Variants in PDGFA observed in about 807,000 individuals in gnomAD.
PDGFA encodes the protein platelet-derived growth factor subunit A.
In PDGFA, 9 loss-of-function variants were observed where a neutral mutation model predicts 25.6. That is an observed-to-expected ratio of 0.35 (90% CI 0.21 to 0.61). The LOEUF is 0.61. Ranked by LOEUF, PDGFA falls within the 20% of genes least tolerant of loss-of-function variation. The pLI is 0.75. For missense variants in PDGFA, 242 were observed against 272.8 expected (o/e 0.89, Z 0.79); for synonymous variants, 133 against 111.8 (o/e 1.19, Z -1.20).
chr7:516,689 G>A (rs1380141519), intron 2 of PDGFA, among the ~76,000 whole-genome samples: 7 of 141,208 alleles, frequency 5.0e-5, no homozygotes, highest in African/African-American at 7.6e-5. Context: ...GGGGTCCCCC[G>A]GGGTGAGAGG....
chr7:498,819 A>G (rs1195970427), intron 5 of PDGFA, among the ~76,000 whole-genome samples: 1 of 152,222 alleles, frequency 6.6e-6, no homozygotes, highest in African/African-American at 2.4e-5. Flanking sequence ...ACCAAGCCCC[A>G]TTCTCCCATT....
At chr7:514,903 G>T (rs1783021257) in intron 2 of PDGFA, among the ~76,000 whole-genome samples, 1 of 152,218 alleles carries the variant, frequency 6.6e-6, no homozygotes, top group Admixed American at 6.5e-5. Flanking sequence ...AAACGCTTGG[G>T]CTCCGGGAGG....
chr7:512,396 C>T, exon 3 of PDGFA: 1 of 1,613,782 alleles, frequency 6.2e-7, no homozygotes. Context: ...TTCTCGGGCA[C>T]ATGCTTAGTG....
At position 500,950 on chromosome 7, in the gene PDGFA, C is replaced by G. The variant is rs758615978; in HGVS notation, c.580+166G>C. 6 of 1,594,686 alleles carry G rather than the reference C, an allele frequency of 3.8e-6. No homozygotes were observed. Among genetic ancestry groups the G allele is most frequent in the Non-Finnish European group, 5.1e-6 (6 of 1,177,642 alleles). ...GGACACCTGCAGGTGTGGGATCCGT[C>G]TCCCCCGCAGGCATCTGGCCCGGGA... On this transcript the variant is annotated intron_variant, in intron 5 of 5. Transcript: ENST00000402802. The surrounding 1 kb of genome is among the most constrained non-coding windows in gnomAD (Gnocchi z 5.0).
chr7:517,369 C>CGCGGGGAGGGCGCGG lies in PDGFA; in HGVS notation c.160+24_160+25insCCGCGCCCTCCCCGC. ...GCCGCCCGCCCGCGCCCTCCCCGCG[C>CGCGGGGAGGGCGCGG]GCGGAGGGAAGGGGCGCGATTTACC... On this transcript the variant is annotated intron_variant, in intron 2 of 5. Coordinates refer to ENST00000402802, the Ensembl canonical transcript of PDGFA. This position sits in a 1 kb window ranked among gnomAD's most constrained non-coding sequence, Gnocchi z 7.4. 1 of 1,236,264 alleles carries CGCGGGGAGGGCGCGG rather than the reference C, an allele frequency of 8.1e-7. No homozygotes were observed. Among genetic ancestry groups the CGCGGGGAGGGCGCGG allele is most frequent in the Non-Finnish European group, 1.1e-6 (1 of 939,878 alleles). The allele number at this position is 1,236,264 out of a possible 1,614,324, so 76.6% of individuals were successfully genotyped here. A position where few individuals can be genotyped will look rare whatever the true frequency, so the allele number is the denominator to read the frequency against.
intron 4 of PDGFA, among the ~76,000 whole-genome samples, chr7:506,109 G>A (rs1782553454): frequency 6.6e-6 from 1 of 151,258 alleles, no homozygotes; most frequent in East Asian, 2.0e-4. Flanking sequence ...CCGGGAGGTG[G>A]AGGTTGCAGT....
upstream of PDGFA, chr7:519,818 GT>G (rs1783289782): frequency 6.8e-6 from 1 of 148,044 alleles, no homozygotes; most frequent in Admixed American, 6.7e-5. Flanking sequence ...GCTCGCCGGA[GT>G]TGGGCGGGCT....
At chr7:504,488 G>A (rs960081754) in intron 4 of PDGFA, among the ~76,000 whole-genome samples, 11 of 152,232 alleles carry the variant, frequency 7.2e-5, no homozygotes, top group East Asian at 3.9e-4. Context: ...AGCAGGGACC[G>A]AGTTCCTTCC....
At position 511,294 on chromosome 7, in the gene PDGFA, G is replaced by GCA. The variant is rs1562490197; in HGVS notation, c.266-299_266-298insTG. Among the ~76,000 whole-genome samples, 119 of 86,902 alleles carry GCA rather than the reference G, an allele frequency of 1.4e-3. 4 individuals carry two copies. Among genetic ancestry groups the GCA allele is most frequent in the Non-Finnish European group, 1.3e-3 (64 of 47,800 alleles). The allele number at this position is 86,902 out of a possible 152,430, so 57.0% of individuals were successfully genotyped here. A position where few individuals can be genotyped will look rare whatever the true frequency, so the allele number is the denominator to read the frequency against. On this transcript the variant is annotated intron_variant, in intron 3 of 5. Coordinates refer to ENST00000402802, the Ensembl canonical transcript of PDGFA. ...CAGGTGGGGCCAGTGGCTGGGGGTG[G>GCA]GGAGAGGGGAACTTAGTCCAGGTGG...
chr7:515,810 G>A (rs1301010425), intron 2 of PDGFA, among the ~76,000 whole-genome samples: 1 of 152,106 alleles, frequency 6.6e-6, no homozygotes, highest in Non-Finnish European at 1.5e-5. Flanking sequence ...CCCGGGTGAG[G>A]AATGCCATCA....
At chr7:502,442 C>T (rs554992650) in intron 4 of PDGFA, among the ~76,000 whole-genome samples, 55 of 152,204 alleles carry the variant, frequency 3.6e-4, no homozygotes, top group East Asian at 1.5e-3. Context: ...TCCTTGGGCT[C>T]GGAGAGGCCT....
chr7:501,944 G>C (rs2128391296), intron 4 of PDGFA, among the ~76,000 whole-genome samples: 1 of 152,298 alleles, frequency 6.6e-6, no homozygotes, highest in South Asian at 2.1e-4. Context: ...TAAAAGCCAG[G>C]CTGAGCATGG....
At chr7:508,559 C>CAAAAA (rs766165770) in intron 4 of PDGFA, among the ~76,000 whole-genome samples, 6,499 of 35,556 alleles carry the variant, frequency 0.18, 1,862 homozygotes, top group Non-Finnish European at 0.26. Context: ...GAAGCTGTCC[C>CAAAAA]AAAAAAAAAA....
intron 4 of PDGFA, among the ~76,000 whole-genome samples, chr7:506,508 G>A (rs531341660): frequency 3.6e-4 from 55 of 152,200 alleles, no homozygotes; most frequent in African/African-American, 1.2e-3. Flanking sequence ...TCTGTTCCAG[G>A]GAGCAGAGGC....
At chr7:508,236 A>G (rs1782650790) in intron 4 of PDGFA, among the ~76,000 whole-genome samples, 1 of 152,100 alleles carries the variant, frequency 6.6e-6, no homozygotes, top group Non-Finnish European at 1.5e-5. Context: ...TCTTTTCTAA[A>G]GTTAAAGAAT....
At chr7:516,496 CAGAGCCCCTTTTT>C (rs1300751642) in intron 2 of PDGFA, among the ~76,000 whole-genome samples, 1 of 152,214 alleles carries the variant, frequency 6.6e-6, no homozygotes, top group African/African-American at 2.4e-5. Context: ...AAGTTCATCG[CAGAGCCCCTTTTT>C]AAACCAGGTT....
chr7:514,017 T>C (rs1024330415), intron 2 of PDGFA, among the ~76,000 whole-genome samples: 3 of 152,252 alleles, frequency 2.0e-5, no homozygotes, highest in African/African-American at 7.2e-5. Context: ...AATCACATCC[T>C]GGTGGTGGCC....
chr7:512,744 G>A (rs1431551098), intron 2 of PDGFA: 11 of 1,146,910 alleles, frequency 9.6e-6, no homozygotes, highest in Middle Eastern at 3.4e-4. Flanking sequence ...GCCCTTCGGG[G>A]AAGAGGTTGC....
At chr7:510,882 T>C (rs758721334) in exon 4 of PDGFA, 2 of 1,611,638 alleles carry the variant, frequency 1.2e-6, no homozygotes, top group South Asian at 1.1e-5. Flanking sequence ...GGTGCAGCGT[T>C]TCACCTCCAC....
Sources: gnomAD v4.1 joint callset for allele counts (sites outside exome capture counted in the v4.1 genomes callset) on GRCh38, gnomAD v4.1.1 for gene constraint, Gnocchi (gnomAD v3.1) non-coding constraint, MANE v1.5 for transcripts, NCBI Gene and HGNC (gene_info 2026-07-23, HGNC 2026-07-21) for gene names.